CADM2: variants seen among roughly 807,000 people sequenced by gnomAD.
CADM2 encodes the protein immunoglobulin superfamily member 4D.
In CADM2, 12 loss-of-function variants were observed where a neutral mutation model predicts 49.8. The ratio of observed to expected loss-of-function variants is 0.24; its 90% CI spans 0.15 to 0.39. CADM2 has a LOEUF of 0.39. CADM2 is among the 10% of genes least tolerant of loss of function. The pLI is 1.00. For missense variants in CADM2, 378 were observed against 492.3 expected (o/e 0.77, Z 2.20); for synonymous variants, 214 against 175.4 (o/e 1.22, Z -1.74).
At chr3:86,031,288 A>AT (rs1029203413) in intron 8 of CADM2, among the ~76,000 whole-genome samples, 16 of 151,876 alleles carry the variant, frequency 1.1e-4, no homozygotes, top group Non-Finnish European at 1.2e-4. Flanking sequence ...TATCAGCTAA[A>AT]TTAGAACCCC....
intron 1 of CADM2, among the ~76,000 whole-genome samples, chr3:85,219,239 A>G (rs2041995308): frequency 6.6e-6 from 1 of 152,196 alleles, no homozygotes; most frequent in Admixed American, 6.5e-5. Context: ...CTAATCAGAG[A>G]GCTTTTAATA....
At chr3:85,482,462 G>A (rs776352637) in intron 1 of CADM2, among the ~76,000 whole-genome samples, 1 of 151,714 alleles carries the variant, frequency 6.6e-6, no homozygotes, top group South Asian at 2.1e-4. Flanking sequence ...CTGAGTTACC[G>A]AGTAATCTCC....
intron 1 of CADM2, among the ~76,000 whole-genome samples, chr3:85,694,087 T>C (rs1446202943): frequency 6.6e-6 from 1 of 152,180 alleles, no homozygotes; most frequent in Admixed American, 6.5e-5. Context: ...TAAAGATATC[T>C]ACTCCTTTTT....
chr3:85,715,283 G>A (rs1351534016), intron 1 of CADM2, among the ~76,000 whole-genome samples: 2 of 152,076 alleles, frequency 1.3e-5, no homozygotes, highest in Non-Finnish European at 2.9e-5. Flanking sequence ...TTTCAAAGAA[G>A]CATTATTTTG....
At chr3:85,906,927 C>T (rs1716882162) in intron 5 of CADM2, among the ~76,000 whole-genome samples, 1 of 152,134 alleles carries the variant, frequency 6.6e-6, no homozygotes, top group Non-Finnish European at 1.5e-5. Flanking sequence ...AAGTATGCAT[C>T]CAAGTTACTG....
chr3:86,066,247 T>A (rs1420270353), intron 9 of CADM2, among the ~76,000 whole-genome samples: 1 of 142,926 alleles, frequency 7.0e-6, no homozygotes, highest in Non-Finnish European at 1.5e-5. Context: ...GCAGGAGAAT[T>A]GCTTGAACCC....
intron 1 of CADM2, among the ~76,000 whole-genome samples, chr3:84,982,610 T>C (rs1404436654): frequency 6.8e-6 from 1 of 146,588 alleles, no homozygotes; most frequent in Non-Finnish European, 1.5e-5. Flanking sequence ...TTCCTAAAAA[T>C]AAAATAGATT....
In CADM2 at chr3:86,071,777, T is replaced by C. The variant is rs764415524; in HGVS notation, c.*4994T>C. On this transcript the variant is annotated 3_prime_UTR_variant, in exon 10 of 10. Transcript: ENST00000383699. ...ATTAGCTTTTCCTAAAGGCAAAATA[T>C]TATAACTTTATAAGAATAGTCCTTC... The C allele has an allele frequency of 3.9e-5, 6 of 151,976 alleles. No individual in the cohort carries two copies. The highest frequency in any genetic ancestry group is 4.8e-5 in the African/African-American group (2 of 41,430). 9.4% of individuals were successfully genotyped at this position (151,976 alleles called of 1,614,324 possible). A position where few individuals can be genotyped will look rare whatever the true frequency, so the allele number is the denominator to read the frequency against.
rs1553743661 is a variant in CADM2 at position 85,568,501 on chromosome 3, T to TG, written c.62-158021_62-158020insG. On this transcript the variant is annotated intron_variant, in intron 1 of 9. Coordinates refer to ENST00000383699, the MANE Select transcript of CADM2 (RefSeq NM_001167675.2). ...TTTCTTTCTTTCTTTCTTTCTTTCT[T>TG]TCTTTCTTTCTTTCCTCCCTCCCTC... Among the ~76,000 whole-genome samples the TG allele has an allele frequency of 3.2e-4, 18 of 55,992 alleles. 1 individual carries two copies. The highest frequency in any genetic ancestry group is 2.9e-3 in the East Asian group (4 of 1,360). The allele number at this position is 55,992 out of a possible 152,430, so 36.7% of individuals were successfully genotyped here.
chr3:85,458,085 C>T (rs2038075269), intron 1 of CADM2, among the ~76,000 whole-genome samples: 1 of 152,174 alleles, frequency 6.6e-6, no homozygotes, highest in Admixed American at 6.5e-5. Context: ...TGTTTATGAT[C>T]TTCCTTTCAG....
intron 6 of CADM2, among the ~76,000 whole-genome samples, chr3:85,920,442 G>T (rs991788906): frequency 2.0e-5 from 3 of 151,750 alleles, no homozygotes; most frequent in African/African-American, 7.2e-5. Context: ...ATTTCAAAAA[G>T]CTACTGAAAT....
chr3:85,058,425 T>G (rs2036175797), intron 1 of CADM2, among the ~76,000 whole-genome samples: 1 of 152,096 alleles, frequency 6.6e-6, no homozygotes, highest in African/African-American at 2.4e-5. Context: ...TTGTTGTTGT[T>G]AAAATGACTT....
At chr3:85,111,950 A>G (rs2038474473) in intron 1 of CADM2, among the ~76,000 whole-genome samples, 1 of 151,890 alleles carries the variant, frequency 6.6e-6, no homozygotes, top group Non-Finnish European at 1.5e-5. Context: ...CTGAAATGAG[A>G]TATGAGGTTA....
At chr3:85,023,307 G>A (rs1328552888) in intron 1 of CADM2, among the ~76,000 whole-genome samples, 2 of 152,088 alleles carry the variant, frequency 1.3e-5, no homozygotes, top group Non-Finnish European at 1.5e-5. Context: ...TATTACCTCA[G>A]TAGGGCTGGT....
intron 1 of CADM2, among the ~76,000 whole-genome samples, chr3:85,354,740 A>G (rs953968035): frequency 6.6e-6 from 1 of 151,884 alleles, no homozygotes; most frequent in African/African-American, 2.4e-5. Context: ...TTTATTTCTT[A>G]TAAAGAGTTG....
intron 1 of CADM2, among the ~76,000 whole-genome samples, chr3:85,551,787 A>T (rs1039812992): frequency 6.6e-6 from 1 of 152,074 alleles, no homozygotes; most frequent in Admixed American, 6.6e-5. Context: ...AACATTTCCT[A>T]CTGGGTATAT....
At chr3:84,964,690 G>C (rs1419386299) in intron 1 of CADM2, among the ~76,000 whole-genome samples, 1 of 152,092 alleles carries the variant, frequency 6.6e-6, no homozygotes, top group Non-Finnish European at 1.5e-5. Flanking sequence ...AATAGTTCTA[G>C]TGCCCAACAA....
At chr3:85,643,671 A>G (rs143281158) in intron 1 of CADM2, among the ~76,000 whole-genome samples, 16 of 152,276 alleles carry the variant, frequency 1.1e-4, no homozygotes, top group African/African-American at 3.6e-4. Flanking sequence ...AAACCTGACA[A>G]TACTTTTTTT....
intron 8 of CADM2, among the ~76,000 whole-genome samples, chr3:86,053,207 AC>A (rs1471631442): frequency 2.6e-5 from 4 of 152,218 alleles, no homozygotes; most frequent in Non-Finnish European, 5.9e-5. Flanking sequence ...TTTCTGTAAT[AC>A]AATATTTGAA....
Sources: allele counts gnomAD v4.1 joint callset (sites outside exome capture counted in the v4.1 genomes callset), GRCh38; gene constraint gnomAD v4.1.1; transcripts MANE v1.5; gene names NCBI Gene and HGNC (gene_info 2026-07-23, HGNC 2026-07-21).